The following IVD variants were observed in gnomAD, a reference collection of about 807,000 sequenced individuals.
IVD encodes isovaleryl-CoA dehydrogenase, also known as isovaleryl-CoA dehydrogenase, mitochondrial.
IVD carries 31 observed loss-of-function variants against 51.3 expected under a neutral mutation model. The ratio of observed to expected loss-of-function variants is 0.60; its 90% confidence interval spans 0.45 to 0.81. The LOEUF (loss-of-function observed/expected upper bound fraction) is 0.81, where lower values mean the gene tolerates loss of function less well. Ranked by LOEUF, IVD falls within the 40% of genes least tolerant of loss-of-function variation. The probability of loss-of-function intolerance (pLI) is 0.00; values close to 1 mark genes in which losing one functional copy is unlikely to be tolerated. For synonymous variants in IVD, 205 were observed against 219.4 expected (o/e 0.93, Z 0.58); for missense variants, 475 against 552.0 (o/e 0.86, Z 1.40).
At chr15:40,427,556 G>A (rs923846236), downstream of IVD, among the ~76,000 whole-genome samples, 5 of 152,176 alleles carry the variant, frequency 3.3e-5, no homozygotes, top group African/African-American at 1.2e-4. Flanking sequence ...CTATTTACAG[G>A]AATAGAGTAG....
At chr15:40,423,598 A>G (rs1892493576), downstream of IVD, among the ~76,000 whole-genome samples, 1 of 152,062 alleles carries the variant, frequency 6.6e-6, no homozygotes, top group African/African-American at 2.4e-5. Flanking sequence ...AGTAGCTGGG[A>G]CTACAGGTGC....
chr15:40,410,825 T>A (rs753696745), intron 4 of IVD, 28 bp downstream of exon 4: 3 of 1,612,546 alleles, frequency 1.9e-6, no homozygotes, highest in Non-Finnish European at 2.5e-6. Flanking sequence ...TAATACACGC[T>A]AATCTCACAG....
downstream of IVD, chr15:40,421,436 G>A (rs970161669): frequency 4.5e-5 from 44 of 979,594 alleles, 1 homozygote; most frequent in Non-Finnish European, 5.2e-5. Context: ...TCCTTCCTGC[G>A]GCTGGCTCTT....
rs1189373618 is a variant in IVD at position 40,420,657 on chromosome 15, G to A, written c.*2394G>A. 1 of 987,398 alleles carries A rather than the reference G, an allele frequency of 1.0e-6. No homozygotes were observed. The highest frequency in any genetic ancestry group is 1.1e-4 in the East Asian group (1 of 8,824). The allele number at this position is 987,398 out of a possible 1,614,324, so 61.2% of individuals were successfully genotyped here. A position where few individuals can be genotyped will look rare whatever the true frequency, so the allele number is the denominator to read the frequency against. On this transcript the variant is annotated 3_prime_UTR_variant, in exon 12 of 12. Coordinates refer to ENST00000487418, the MANE Select transcript of IVD (RefSeq NM_002225.5). ...TTTTAAAGGAAGCAGGGAGCCCAGA[G>A]TGCTAAGTTCTTACAGCCAGAAGGA...
intron 1 of IVD, among the ~76,000 whole-genome samples, chr15:40,406,858 TTTTTTC>T (rs1477559789): frequency 5.3e-4 from 81 of 151,434 alleles, no homozygotes; most frequent in African/African-American, 1.9e-3. Flanking sequence ...GTTTCTTTTC[TTTTTTC>T]TTTTTTTTTT....
At chr15:40,435,349 C>T in intron 8 of IVD, 1 of 982,002 alleles carries the variant, frequency 1.0e-6, no homozygotes, top group South Asian at 3.9e-5. Flanking sequence ...GATGGTAGAG[C>T]TCCTGGTTGG....
At position 40,415,400 on chromosome 15, in the gene IVD, G is replaced by C. The variant is rs761076572; in HGVS notation, c.879-1G>C. On this transcript the variant is annotated splice_acceptor_variant, in intron 8 of 11. Coordinates refer to ENST00000487418, the MANE Select transcript of IVD (RefSeq NM_002225.5). LOFTEE classifies it high-confidence loss of function. ...CACGGGGCCTTTCTCCTTTCTGACAGGCTCATGCAAGCGGTCCTGGACCAC... is the reference window on the plus strand; with the variant it reads ...CACGGGGCCTTTCTCCTTTCTGACACGCTCATGCAAGCGGTCCTGGACCAC... 1 of 1,614,058 alleles carries C rather than the reference G, an allele frequency of 6.2e-7. No homozygotes were observed. Among genetic ancestry groups the C allele is most frequent in the Non-Finnish European group, 8.5e-7 (1 of 1,179,932 alleles).
chr15:40,407,675 G>T lies in IVD; in HGVS notation c.184G>T (p.Ala62Ser), dbSNP rs1243838514. The change falls in exon 2 of 12, where the codon GCC becomes TCC. Residue 62 changes from alanine to serine, a missense_variant. Coordinates refer to ENST00000487418, the MANE Select transcript of IVD (RefSeq NM_002225.5). ...GGCTAAGTTCCTTCAGGAGCACCTG[G>T]CCCCCAAGGCCCAGGAGATCGATCG... is the stretch of plus-strand genomic sequence containing the variant. ...TMAKFLQEHL[A>S]PKAQEIDRSN... 6.2e-7 allele frequency: 1 copy of T among 1,614,136 alleles called. No homozygotes were observed. The highest frequency in any genetic ancestry group is 8.5e-7 in the Non-Finnish European group (1 of 1,180,006).
intron 6 of IVD, among the ~76,000 whole-genome samples, chr15:40,411,947 T>C (rs78151774): frequency 1.3e-5 from 2 of 152,068 alleles, no homozygotes; most frequent in Non-Finnish European, 2.9e-5. Context: ...AGGGGAGGAC[T>C]AAAAGGAGGT....
At chr15:40,435,615 C>T, downstream of IVD, 4 of 1,101,554 alleles carry the variant, frequency 3.6e-6, no homozygotes, top group South Asian at 6.0e-5. Context: ...CTTCTATGTT[C>T]TCCAACGTCT....
At chr15:40,431,477 C>T (rs1329760183) in intron 7 of IVD, among the ~76,000 whole-genome samples, 1 of 152,028 alleles carries the variant, frequency 6.6e-6, no homozygotes, top group African/African-American at 2.4e-5. Flanking sequence ...AGGCAGATCA[C>T]GAGGTCAGGA....
intron 1 of IVD, chr15:40,406,232 C>T (rs1173533519): frequency 6.7e-7 from 1 of 1,500,530 alleles, no homozygotes; most frequent in African/African-American, 1.4e-5. Flanking sequence ...GGAGTCGAGG[C>T]TGGGAGAGCT....
At chr15:40,429,662 T>C (rs1055445518) in intron 7 of IVD, among the ~76,000 whole-genome samples, 4 of 152,176 alleles carry the variant, frequency 2.6e-5, no homozygotes, top group Non-Finnish European at 5.9e-5. Context: ...TCCACCAACC[T>C]TATCTAGATG....
intron 7 of IVD, among the ~76,000 whole-genome samples, chr15:40,432,054 C>T (rs184575928): frequency 9.9e-5 from 15 of 151,900 alleles, no homozygotes; most frequent in Non-Finnish European, 1.8e-4. Context: ...ATCTCCACCC[C>T]CCAGGTTCAA....
downstream of IVD, among the ~76,000 whole-genome samples, chr15:40,421,926 C>T (rs1250695778): frequency 1.3e-5 from 2 of 152,162 alleles, no homozygotes; most frequent in South Asian, 2.1e-4. Context: ...GTTCCCAGTC[C>T]CTGCCTGCCG....
Position 40,416,164 on chromosome 15 carries a change from G to A in IVD, c.1047G>A (p.Glu349=), listed in dbSNP as rs1381979785. 1 of 1,614,208 alleles carries A rather than the reference G, an allele frequency of 6.2e-7. No homozygotes were observed. Among genetic ancestry groups the A allele is most frequent in the South Asian group, 1.1e-5 (1 of 91,086 alleles). The change falls in exon 10 of 12, where the codon GAG becomes GAA. Residue 349 remains glutamate, a synonymous_variant. Coordinates refer to ENST00000487418, the MANE Select transcript of IVD (RefSeq NM_002225.5). The part of the protein sequence containing the change: ...YVYNVAKACD[E]GHCTAKDCAG... ...ACAATGTCGCCAAGGCCTGCGATGA[G>A]GGCCATTGCACTGCTAAGGTGAGGG...
chr15:40,435,878 G>T, downstream of IVD: 4 of 174,430 alleles, frequency 2.3e-5, no homozygotes, highest in Non-Finnish European at 4.5e-5. Flanking sequence ...CTTGCCAGGG[G>T]CAGACCCTGG....
intron 11 of IVD, among the ~76,000 whole-genome samples, chr15:40,416,721 T>C (rs1330297679): frequency 6.6e-6 from 1 of 152,042 alleles, no homozygotes; most frequent in Admixed American, 6.5e-5. Context: ...TCCTCTCCAC[T>C]TCTCCACTCC....
Position 40,418,828 on chromosome 15 carries a change from GA to G in IVD, c.*572del, listed in dbSNP as rs1308206796. ...TCAACTTTCAGTCTCTTTTCTGGGG[GA>G]AAAAAATAATAAACCTAGCCTAGCC... On this transcript the variant is annotated 3_prime_UTR_variant, in exon 12 of 12. Coordinates refer to ENST00000487418, the MANE Select transcript of IVD (RefSeq NM_002225.5). The G allele has an allele frequency of 9.0e-6, 9 of 1,000,994 alleles. No individual in the cohort carries two copies. The highest frequency in any genetic ancestry group is 7.4e-5 in the East Asian group (1 of 13,602). 62.0% of individuals were successfully genotyped at this position (1,000,994 alleles called of 1,614,324 possible).
Sources: gnomAD v4.1 joint callset for allele counts (sites outside exome capture counted in the v4.1 genomes callset) on GRCh38, gnomAD v4.1.1 for gene constraint, MANE v1.5 for transcripts, NCBI Gene and HGNC (gene_info 2026-07-23, HGNC 2026-07-21) for gene names.